ABCA3: variants seen among roughly 807,000 people sequenced by gnomAD.
ABCA3 encodes the protein ATP binding cassette subfamily A member 3, also known as phospholipid-transporting ATPase ABCA3.
Under a neutral mutation model 172.8 loss-of-function variants are expected in ABCA3, and 88 were observed. That is an observed-to-expected ratio of 0.51 (90% CI 0.43 to 0.61). The LOEUF (loss-of-function observed/expected upper bound fraction) is 0.61. ABCA3 is among the 20% of genes least tolerant of loss of function. The pLI, the probability that ABCA3 is intolerant of heterozygous loss-of-function variation, is 0.00. For synonymous variants in ABCA3, 1,066 were observed against 983.8 expected, an observed-to-expected ratio of 1.08 and a Z score of -1.56; for missense variants, 2,164 against 2,301.0, an observed-to-expected ratio of 0.94 and a Z score of 1.22.
rs1239897676 is a variant in ABCA3 at position 2,276,787 on chromosome 16, T to C, written c.5002A>G (p.Lys1668Glu). 1 of 1,613,882 alleles carries C rather than the reference T, an allele frequency of 6.2e-7. No homozygotes were observed. Among genetic ancestry groups the C allele is most frequent in the Non-Finnish European group, 8.5e-7 (1 of 1,180,016 alleles). ...SWAKVFGILEKAKEKYGVDDY... is the reference protein window; with the variant it reads ...SWAKVFGILEEAKEKYGVDDY... ...TCCACGCCGTACTTTTCCTTGGCTT[T>C]CTCCAGAATACCGAAAACCTTTGGG... Residue 1668 changes from lysine (K) to glutamate (E), a missense_variant, in exon 33 of 33, where the codon AAA (lysine) becomes GAA (glutamate). By Grantham distance (56) the Lys-to-Glu change is moderately conservative (BLOSUM62 1). Coordinates refer to ENST00000301732, the MANE Select transcript of ABCA3 (RefSeq NM_001089.3).
intron 12 of ABCA3, among the ~76,000 whole-genome samples, chr16:2,300,694 T>C (rs1192049367): frequency 1.3e-5 from 2 of 152,226 alleles, no homozygotes; most frequent in Admixed American, 6.5e-5. Context: ...CCTCACACAG[T>C]GCCCTCGAGG....
In ABCA3 at chr16:2,304,065, C is replaced by G. The variant is rs1177269239; in HGVS notation, c.1371G>C (p.Leu457=). Reference sequence around the variant, plus strand: ...CCAGGCCATAGAGCACAGAGTCCAGCAGCAGCATCCCCAGCACCTGCCCGA... The same window carrying G: ...CCAGGCCATAGAGCACAGAGTCCAGGAGCAGCATCCCCAGCACCTGCCCGA... ...FCFGQVLGML[L]LDSVLYGLVT... The change falls in exon 12 of 33, where the codon CTG becomes CTC. Residue 457 remains leucine, a synonymous_variant. Transcript: ENST00000301732. 6.2e-7 allele frequency: 1 copy of G among 1,614,196 alleles called. No homozygotes were observed.
In ABCA3 at chr16:2,283,086, C is replaced by T; in HGVS notation, c.4035+100G>A. ...GGGAGACCATCTGGTGCAGGAGCTG[C>T]CTGGTGGAGAAGGAGGTGGAGCTGC... On this transcript the variant is annotated intron_variant, in intron 26 of 32. Coordinates refer to ENST00000301732, the MANE Select transcript of ABCA3 (RefSeq NM_001089.3). The surrounding 1 kb of genome is among the most constrained non-coding windows in gnomAD (Gnocchi z 5.4). 4.5e-6 allele frequency: 6 copies of T among 1,325,816 alleles called. No individual in the cohort carries two copies. The highest frequency in any genetic ancestry group is 6.3e-6 in the Non-Finnish European group (6 of 948,088). 82.1% of individuals were successfully genotyped at this position (1,325,816 alleles called of 1,614,324 possible). A position where few individuals can be genotyped will look rare whatever the true frequency, so the allele number is the denominator to read the frequency against.
At chr16:2,314,631 C>T (rs2093711945) in intron 10 of ABCA3, among the ~76,000 whole-genome samples, 1 of 151,872 alleles carries the variant, frequency 6.6e-6, no homozygotes, top group Non-Finnish European at 1.5e-5. Context: ...GGCTGGAGTG[C>T]AGTGGCATGA....
chr16:2,334,862 CTT>C (rs954810211), intron 1 of ABCA3, among the ~76,000 whole-genome samples: 13 of 146,922 alleles, frequency 8.8e-5, no homozygotes, highest in African/African-American at 3.3e-4. Context: ...GAGTTTCACT[CTT>C]GTTGCCCAGG....
At chr16:2,291,549 C>T (rs2093671997) in intron 19 of ABCA3, among the ~76,000 whole-genome samples, 2 of 152,238 alleles carry the variant, frequency 1.3e-5, no homozygotes, top group Admixed American at 1.3e-4. Flanking sequence ...GCTGGGCACG[C>T]CTCTGACGCC....
At position 2,277,755 on chromosome 16, in the gene ABCA3, G is replaced by C. The variant is rs373929564; in HGVS notation, c.4910-85C>G. On this transcript the variant is annotated intron_variant, in intron 31 of 32. Transcript: ENST00000301732. This position sits in a 1 kb window ranked among gnomAD's most constrained non-coding sequence, Gnocchi z 5.3. ...CTGGGTGCTCAGCACTGGAGTCCTC[G>C]TCCCAGGGATTGGGGAGATGGGACT... is the stretch of plus-strand genomic sequence containing the variant. 7 of 1,594,060 alleles carry C rather than the reference G, an allele frequency of 4.4e-6. No individual in the cohort carries two copies. The highest frequency in any genetic ancestry group is 5.1e-6 in the Non-Finnish European group (6 of 1,167,582).
intron 10 of ABCA3, among the ~76,000 whole-genome samples, chr16:2,315,377 C>T (rs567975594): frequency 9.1e-4 from 139 of 152,196 alleles, no homozygotes; most frequent in Non-Finnish European, 4.9e-4. Context: ...CGATGAGTAT[C>T]GGATGGCAAT....
intron 12 of ABCA3, among the ~76,000 whole-genome samples, chr16:2,301,049 T>A (rs796675179): frequency 4.7e-5 from 7 of 149,764 alleles, no homozygotes; most frequent in South Asian, 2.1e-4. Flanking sequence ...GCTAACACGG[T>A]GAAACCCCGT....
Position 2,328,545 on chromosome 16 carries a change from A to C in ABCA3, c.-119T>G, listed in dbSNP as rs576738683. 26 of 516,018 alleles carry C rather than the reference A, an allele frequency of 5.0e-5. No homozygotes were observed. The highest frequency in any genetic ancestry group is 3.4e-4 in the South Asian group (24 of 70,564). 32.0% of individuals were successfully genotyped at this position (516,018 alleles called of 1,614,324 possible). On this transcript the variant is annotated 5_prime_UTR_variant, in exon 3 of 33. Coordinates refer to ENST00000301732, the MANE Select transcript of ABCA3 (RefSeq NM_001089.3). ...CGTGCTCTGAAAACTGAGTGTAAAG[A>C]GGGCGAGGTGTGCAGACGTGGCTGC...
At position 2,285,504 on chromosome 16, in the gene ABCA3, A is replaced by T; in HGVS notation, c.3421T>A (p.Phe1141Ile). The T allele has an allele frequency of 6.2e-7, 1 of 1,610,690 alleles. No individual in the cohort carries two copies. Among genetic ancestry groups the T allele is most frequent in the Non-Finnish European group, 8.5e-7 (1 of 1,178,498 alleles). ...TCCCACAGCAGAGCAGAGAGCCAGA[A>T]ACTGGCCACGTGGACTCCACTCACA... ...QFVSGVHVAS[F>I]WLSALLWDLI... Residue 1141 changes from phenylalanine (F) to isoleucine (I), a missense_variant, in exon 23 of 33, where the codon TTC becomes ATC. Physicochemically the swap from Phe to Ile is conservative, Grantham distance 21. Coordinates refer to ENST00000301732, the MANE Select transcript of ABCA3 (RefSeq NM_001089.3). This position sits in a 1 kb window ranked among gnomAD's most constrained non-coding sequence, Gnocchi z 4.7.
At chr16:2,316,268 C>A (rs1301947745) in intron 10 of ABCA3, among the ~76,000 whole-genome samples, 2 of 135,068 alleles carry the variant, frequency 1.5e-5, no homozygotes, top group African/African-American at 5.7e-5. Flanking sequence ...GTGTCTGTGC[C>A]ATTGCACTCC....
At chr16:2,304,816 C>T (rs2093695082) in intron 11 of ABCA3, among the ~76,000 whole-genome samples, 1 of 151,946 alleles carries the variant, frequency 6.6e-6, no homozygotes, top group African/African-American at 2.4e-5. Context: ...GCTGGGACTA[C>T]AGGCGCCCGC....
rs936157181 is a variant in ABCA3, at chr16:2,284,579, C to G, written c.3704-142G>C. On this transcript the variant is annotated intron_variant, in intron 24 of 32. Transcript: ENST00000301732. The surrounding 1 kb of genome is among the most constrained non-coding windows in gnomAD (Gnocchi z 5.9). ...CCTCCCAGGGACGCCCCTGCCGGCTCTGCACAGGGCAAGGACGCCGCAGAC... is the reference window on the plus strand; with the variant it reads ...CCTCCCAGGGACGCCCCTGCCGGCTGTGCACAGGGCAAGGACGCCGCAGAC... The G allele has an allele frequency of 5.1e-6, 7 of 1,371,150 alleles. No homozygotes were observed. The African/African-American group carries it at 1.0e-4, about 20-fold the overall frequency. 84.9% of individuals were successfully genotyped at this position (1,371,150 alleles called of 1,614,324 possible).
chr16:2,282,265 T>C (rs1264232045), intron 26 of ABCA3, among the ~76,000 whole-genome samples: 1 of 152,130 alleles, frequency 6.6e-6, no homozygotes, highest in Non-Finnish European at 1.5e-5. Flanking sequence ...CCTAGCTAAT[T>C]TTTAAAACTG....
intron 1 of ABCA3, among the ~76,000 whole-genome samples, chr16:2,338,976 GA>G (rs1288412360): frequency 6.6e-6 from 1 of 151,812 alleles, no homozygotes; most frequent in African/African-American, 2.4e-5. Context: ...GGCTGGTCTC[GA>G]ACTCCTGAAC....
At chr16:2,336,826 A>C (rs992327941) in intron 1 of ABCA3, among the ~76,000 whole-genome samples, 1 of 152,046 alleles carries the variant, frequency 6.6e-6, no homozygotes, top group Non-Finnish European at 1.5e-5. Flanking sequence ...CATGGCTTTC[A>C]TCTTTAAAAA....
chr16:2,281,177 G>GGAGA lies in ABCA3; in HGVS notation c.4205_4208dup (p.Ala1405ProfsTer47). On this transcript the variant is annotated frameshift_variant, in exon 28 of 33. Transcript: ENST00000301732. LOFTEE classifies it high-confidence loss of function. This position sits in a 1 kb window ranked among gnomAD's most constrained non-coding sequence, Gnocchi z 4.7. ...AGCACTCCCCTTTCTGCACCGCGAG[G>GGAGA]GAGAGCCTGTCCACGGCCAGGAGGG... 1 of 1,613,688 alleles carries GGAGA rather than the reference G, an allele frequency of 6.2e-7. No homozygotes were observed. Among genetic ancestry groups the GGAGA allele is most frequent in the Non-Finnish European group, 8.5e-7 (1 of 1,180,024 alleles).
At position 2,286,493 on chromosome 16, in the gene ABCA3, T is replaced by C. The variant is rs1232522757; in HGVS notation, c.3278+201A>G. Among the ~76,000 whole-genome samples, 2 of 151,738 alleles carry C rather than the reference T, an allele frequency of 1.3e-5. No homozygotes were observed. Among genetic ancestry groups the C allele is most frequent in the African/African-American group, 2.4e-5 (1 of 41,264 alleles). On this transcript the variant is annotated intron_variant, in intron 22 of 32. Coordinates refer to ENST00000301732, the MANE Select transcript of ABCA3 (RefSeq NM_001089.3). This position sits in a 1 kb window ranked among gnomAD's most constrained non-coding sequence, Gnocchi z 5.2. ...GGGTCCCCGTGAGGACCGCAGTGCATGGGATGGCCCACAGCTGATCTGCTG... is the reference window on the plus strand; with the variant it reads ...GGGTCCCCGTGAGGACCGCAGTGCACGGGATGGCCCACAGCTGATCTGCTG...
Sources: gnomAD v4.1 joint callset for allele counts (sites outside exome capture counted in the v4.1 genomes callset) on GRCh38, gnomAD v4.1.1 for gene constraint, Gnocchi (gnomAD v3.1) non-coding constraint, MANE v1.5 for transcripts, NCBI Gene and HGNC (gene_info 2026-07-23, HGNC 2026-07-21) for gene names.